ANK3: variants seen among roughly 807,000 people sequenced by gnomAD.
The protein encoded by ANK3 is ankyrin-3.
ANK3 carries 57 observed loss-of-function variants against 370.9 expected under a neutral mutation model. That is an observed-to-expected ratio of 0.15 (90% confidence interval 0.12 to 0.19). The LOEUF is 0.19. Ranked by LOEUF, ANK3 falls within the 10% of genes least tolerant of loss-of-function variation. ANK3 has a pLI of 1.00. For synonymous variants in ANK3, 1,929 were observed against 1,946.3 expected (o/e 0.99, Z 0.23); for missense variants, 4,439 against 5,302.1 (o/e 0.84, Z 5.06).
intron 2 of ANK3, among the ~76,000 whole-genome samples, chr10:60,496,182 C>T (rs938972562): frequency 4.6e-5 from 7 of 152,162 alleles, no homozygotes; most frequent in Admixed American, 2.6e-4. Context: ...CAACATGGAA[C>T]TCTACTTGCT....
chr10:60,477,508 G>C (rs1366226982), intron 2 of ANK3, among the ~76,000 whole-genome samples: 1 of 116,474 alleles, frequency 8.6e-6, no homozygotes, highest in Non-Finnish European at 1.9e-5. Context: ...CTGACAGACA[G>C]ACAGACATAC....
intron 1 of ANK3, among the ~76,000 whole-genome samples, chr10:60,679,850 C>T (rs2079171344): frequency 2.0e-5 from 3 of 151,976 alleles, no homozygotes; most frequent in Admixed American, 2.0e-4. Flanking sequence ...TAAAATTACC[C>T]TGGGGCCCAG....
intron 1 of ANK3, among the ~76,000 whole-genome samples, chr10:60,711,488 A>C (rs2079706373): frequency 6.6e-6 from 1 of 152,050 alleles, no homozygotes; most frequent in African/African-American, 2.4e-5. Flanking sequence ...AGCATTAATG[A>C]GTTTCAAGAT....
intron 8 of ANK3, among the ~76,000 whole-genome samples, 156 bp from the exon 9 acceptor site, chr10:60,213,666 G>C (rs979449114): frequency 2.0e-5 from 3 of 152,104 alleles, no homozygotes; most frequent in Non-Finnish European, 4.4e-5. Context: ...CTTATTTTAG[G>C]TTGAAAACTA....
rs1197567615 is a variant in ANK3 at position 60,730,835 on chromosome 10, A to G, written c.57+2428T>C. Among the ~76,000 whole-genome samples, 12 of 152,264 alleles carry G rather than the reference A, an allele frequency of 7.9e-5. No homozygotes were observed. The South Asian group carries it at 2.5e-3, about 32-fold the overall frequency. ...AAACTTTAATAATGTGAGTTTGGGG[A>G]AGCTGTATCAAGGCTAAACATTCCA... On this transcript the variant is annotated intron_variant, in intron 1 of 43. Coordinates refer to the ANK3 transcript ENST00000373827.
At chr10:60,488,642 T>C (rs561760936) in intron 2 of ANK3, among the ~76,000 whole-genome samples, 1 of 152,348 alleles carries the variant, frequency 6.6e-6, no homozygotes. Context: ...TCTGGGCATA[T>C]CATATGAATG....
chr10:60,190,737 T>A (rs760049455), intron 16 of ANK3, among the ~76,000 whole-genome samples: 10 of 152,184 alleles, frequency 6.6e-5, no homozygotes, highest in Non-Finnish European at 1.0e-4. Flanking sequence ...AAAGCAATCC[T>A]AAAATTCATA....
At chr10:60,166,952 C>CT (rs2095640659) in intron 21 of ANK3, 56 bp from the exon 22 acceptor site, 1 of 1,387,350 alleles carries the variant, frequency 7.2e-7, no homozygotes, top group Non-Finnish European at 1.0e-6. Flanking sequence ...TTTAATGGGT[C>CT]TTTTCATTTA....
chr10:60,242,271 T>C (rs982863155), intron 7 of ANK3, among the ~76,000 whole-genome samples: 1 of 152,200 alleles, frequency 6.6e-6, no homozygotes, highest in East Asian at 1.9e-4. Context: ...AGATCACTTA[T>C]GATTTGTAAA....
intron 8 of ANK3, among the ~76,000 whole-genome samples, chr10:60,220,224 A>C (rs1020144680): frequency 5.9e-5 from 9 of 152,198 alleles, no homozygotes; most frequent in Non-Finnish European, 1.3e-4. Context: ...AAAGGTCAAA[A>C]TTGTTTCATT....
chr10:60,047,875 T>A (rs147584858), intron 42 of ANK3, among the ~76,000 whole-genome samples: 149 of 152,320 alleles, frequency 9.8e-4, no homozygotes, highest in African/African-American at 3.2e-3. Context: ...CACTGTATAT[T>A]ATCAAATTGT....
intron 1 of ANK3, among the ~76,000 whole-genome samples, chr10:60,354,374 T>C (rs2057403015): frequency 6.6e-6 from 1 of 152,222 alleles, no homozygotes; most frequent in African/African-American, 2.4e-5. Context: ...CCAGGAATTA[T>C]AGCTGTCTTT....
chr10:60,348,916 A>G (rs184055246), intron 1 of ANK3, among the ~76,000 whole-genome samples: 1 of 152,170 alleles, frequency 6.6e-6, no homozygotes, highest in Admixed American at 6.5e-5. Context: ...AATATCTTAG[A>G]CTATAACATC....
At chr10:60,484,901 C>A (rs574219460) in intron 2 of ANK3, among the ~76,000 whole-genome samples, 3 of 152,154 alleles carry the variant, frequency 2.0e-5, no homozygotes, top group Non-Finnish European at 4.4e-5. Context: ...AAGCCACATA[C>A]ACACACATAT....
rs1199256220 is a variant in ANK3 at position 60,186,892 on chromosome 10, G to A, written c.1908C>T (p.His636=). The change falls in exon 17 of 44, where the codon CAC becomes CAT. Residue 636 remains histidine, a synonymous_variant. Coordinates refer to ENST00000280772, the MANE Select transcript of ANK3 (RefSeq NM_020987.5). The stretch of plus-strand genomic sequence containing the variant: ...CCATCTGGTTCTTTTTGGCAGCGAT[G>A]TGCAGTGGCGTATAACCATTCTGTC... The part of the protein sequence containing the change: ...AAAKNGYTPL[H]IAAKKNQMDI... The A allele has an allele frequency of 1.2e-6, 2 of 1,614,114 alleles. No individual in the cohort carries two copies. Among genetic ancestry groups the A allele is most frequent in the Admixed American group, 1.7e-5 (1 of 60,020 alleles).
chr10:60,309,898 T>C (rs571126017), intron 1 of ANK3, among the ~76,000 whole-genome samples: 2 of 151,302 alleles, frequency 1.3e-5, no homozygotes, highest in Non-Finnish European at 2.9e-5. Flanking sequence ...ATCAGTGAAA[T>C]CAATTTCTTT....
chr10:60,054,952 A>ATTT (rs1564647317), intron 42 of ANK3, among the ~76,000 whole-genome samples: 1 of 152,248 alleles, frequency 6.6e-6, no homozygotes. Context: ...ATATCTAAAA[A>ATTT]TAGAGTAAAC....
At chr10:60,198,102 A>G (rs901518978) in intron 14 of ANK3, among the ~76,000 whole-genome samples, 1 of 152,156 alleles carries the variant, frequency 6.6e-6, no homozygotes, top group Non-Finnish European at 1.5e-5. Context: ...CTGACTCTGG[A>G]TATCAGTAAG....
intron 23 of ANK3, among the ~76,000 whole-genome samples, chr10:60,154,424 C>A (rs1385817725): frequency 6.6e-6 from 1 of 152,194 alleles, no homozygotes; most frequent in Non-Finnish European, 1.5e-5. Context: ...TCCTGGTGGT[C>A]TTCTTCAGAT....
Sources: gnomAD v4.1 joint callset for allele counts (sites outside exome capture counted in the v4.1 genomes callset) on GRCh38, gnomAD v4.1.1 for gene constraint, MANE v1.5 for transcripts, NCBI Gene and HGNC (gene_info 2026-07-23, HGNC 2026-07-21) for gene names.